ASXL2: variants seen among roughly 807,000 people sequenced by gnomAD.
ASXL2 encodes ASXL transcriptional regulator 2.
Under a neutral mutation model 122.0 loss-of-function variants are expected in ASXL2, and 23 were observed. The ratio of observed to expected loss-of-function variants is 0.19; its 90% CI spans 0.14 to 0.27. The LOEUF is 0.27. Ranked by LOEUF, ASXL2 falls within the 10% of genes least tolerant of loss-of-function variation. The pLI, the probability that ASXL2 is intolerant of heterozygous loss-of-function variation, is 1.00. For synonymous variants in ASXL2, 650 were observed against 637.0 expected, an observed-to-expected ratio of 1.02 and a Z score of -0.31; for missense variants, 1,518 against 1,713.8, an observed-to-expected ratio of 0.89 and a Z score of 2.02.
chr2:25,787,197 C>A (rs1308644657), intron 5 of ASXL2, among the ~76,000 whole-genome samples: 1 of 152,204 alleles, frequency 6.6e-6, no homozygotes, highest in Admixed American at 6.5e-5. Flanking sequence ...AGTCCCAGAA[C>A]ACTCTTTACC....
At chr2:25,842,316 T>G (rs140780879) in intron 2 of ASXL2, among the ~76,000 whole-genome samples, 7 of 152,300 alleles carry the variant, frequency 4.6e-5, no homozygotes, top group African/African-American at 7.2e-5. Flanking sequence ...TGCTTTGTTG[T>G]GCTGTAACTG....
Position 25,765,725 on chromosome 2 carries a change from T to C in ASXL2, c.775+1858A>G, listed in dbSNP as rs910985765. On this transcript the variant is annotated intron_variant, in intron 8 of 12. Transcript: ENST00000435504. ...TCAATTTTGTACCTCTACATTTCTT[T>C]TGCAATTTACTAAAATTTTCAATTT... Among the ~76,000 whole-genome samples, 31 of 152,346 alleles carry C rather than the reference T, an allele frequency of 2.0e-4. 1 individual carries two copies. Among genetic ancestry groups the C allele is most frequent in the East Asian group, 9.6e-4 (5 of 5,186 alleles).
chr2:25,769,848 G>A (rs1274952098), intron 6 of ASXL2, among the ~76,000 whole-genome samples: 1 of 152,082 alleles, frequency 6.6e-6, no homozygotes, highest in Non-Finnish European at 1.5e-5. Flanking sequence ...CATTTCACAC[G>A]TATCTCTGGC....
chr2:25,826,129 A>G (rs1398482924), intron 3 of ASXL2, among the ~76,000 whole-genome samples: 2 of 152,254 alleles, frequency 1.3e-5, no homozygotes, highest in Non-Finnish European at 2.9e-5. Flanking sequence ...AAGTCTATTT[A>G]TAAGTCTACC....
intron 1 of ASXL2, among the ~76,000 whole-genome samples, chr2:25,845,920 C>T (rs772448967): frequency 6.6e-6 from 1 of 152,196 alleles, no homozygotes; most frequent in Non-Finnish European, 1.5e-5. Context: ...CATTCTGTCT[C>T]TCCCACTGAA....
chr2:25,828,409 G>C (rs545567414), intron 3 of ASXL2, among the ~76,000 whole-genome samples: 1 of 151,046 alleles, frequency 6.6e-6, no homozygotes, highest in East Asian at 2.0e-4. Flanking sequence ...GGGAGGCTGA[G>C]GCAAGAGACT....
intron 10 of ASXL2, among the ~76,000 whole-genome samples, chr2:25,754,891 C>T (rs1278502752): frequency 1.3e-5 from 2 of 151,306 alleles, no homozygotes; most frequent in African/African-American, 4.9e-5. Flanking sequence ...ACAAAGTAAT[C>T]AGAGCAAGAG....
chr2:25,785,246 GAC>G (rs2088718860), intron 5 of ASXL2, among the ~76,000 whole-genome samples: 1 of 152,138 alleles, frequency 6.6e-6, no homozygotes, highest in South Asian at 2.1e-4. Context: ...TATTTTTTGA[GAC>G]AGAGTCTCGC....
intron 1 of ASXL2, among the ~76,000 whole-genome samples, chr2:25,859,879 A>G (rs1430949726): frequency 6.6e-6 from 1 of 152,240 alleles, no homozygotes; most frequent in African/African-American, 2.4e-5. Context: ...CAAATAAGAA[A>G]TCTCAAAATA....
In ASXL2 at chr2:25,850,245, A is replaced by T. The variant is rs183278928; in HGVS notation, c.58-4682T>A. Among the ~76,000 whole-genome samples, 364 of 152,272 alleles carry T rather than the reference A, an allele frequency of 2.4e-3. 2 individuals are homozygous for T. Among genetic ancestry groups the T allele is most frequent in the African/African-American group, 8.4e-3 (347 of 41,546 alleles). ...TCCTTAATATCAAATTATTTAGTCAATGTCCCAAATTTACAGGGAAAAACC... is the reference window on the plus strand; with the variant it reads ...TCCTTAATATCAAATTATTTAGTCATTGTCCCAAATTTACAGGGAAAAACC... On this transcript the variant is annotated intron_variant, in intron 1 of 12. Coordinates refer to ENST00000435504, the MANE Select transcript of ASXL2 (RefSeq NM_018263.6).
intron 5 of ASXL2, among the ~76,000 whole-genome samples, chr2:25,793,710 T>C (rs1559513058): frequency 6.6e-6 from 1 of 152,236 alleles, no homozygotes; most frequent in Non-Finnish European, 1.5e-5. Flanking sequence ...AGAGTTTTTA[T>C]TCTAACAGGT....
rs759907363 is a variant in ASXL2 at position 25,742,950 on chromosome 2, A to T, written c.3387T>A (p.Ser1129=). ...AGCTCTCTGAGCCCCGGCCGTAGGT[A>T]GAAATATTCAGTAAGTAGTGCCCTG... ...AMAGHYLLNI[S]TYGRGSESFR... is the part of the protein sequence containing the mutation. Residue 1129 remains serine (S), a synonymous_variant, in exon 13 of 13, where the codon TCT becomes TCA. Coordinates refer to ENST00000435504, the MANE Select transcript of ASXL2 (RefSeq NM_018263.6). 1 of 1,614,024 alleles carries T rather than the reference A, an allele frequency of 6.2e-7. No homozygotes were observed. Among genetic ancestry groups the T allele is most frequent in the East Asian group, 2.2e-5 (1 of 44,886 alleles).
chr2:25,828,654 T>C (rs1364308272), intron 3 of ASXL2, among the ~76,000 whole-genome samples: 1 of 150,898 alleles, frequency 6.6e-6, no homozygotes, highest in African/African-American at 2.4e-5. Flanking sequence ...TGAAACCCCA[T>C]CTCTACTAAA....
intron 9 of ASXL2, 34 bp from the exon 10 acceptor site, chr2:25,756,148 A>C (rs1474499435): frequency 7.3e-7 from 1 of 1,367,656 alleles, no homozygotes; most frequent in Non-Finnish European, 1.0e-6. Flanking sequence ...AAAGCTTACA[A>C]AGAAAGTGAA....
At chr2:25,869,769 T>C (rs891051250) in intron 1 of ASXL2, among the ~76,000 whole-genome samples, 1 of 150,998 alleles carries the variant, frequency 6.6e-6, no homozygotes, top group Non-Finnish European at 1.5e-5. Flanking sequence ...TGAGCCAAGA[T>C]TACGCCACTG....
intron 2 of ASXL2, among the ~76,000 whole-genome samples, chr2:25,837,972 A>AC (rs1471170102): frequency 6.8e-6 from 1 of 147,518 alleles, no homozygotes; most frequent in South Asian, 2.1e-4. Context: ...AAAAAAAAAA[A>AC]CACAAAAAAT....
At chr2:25,773,722 A>T (rs13418518) in intron 5 of ASXL2, among the ~76,000 whole-genome samples, 10,153 of 151,474 alleles carry the variant, frequency 0.067, 618 homozygotes, top group African/African-American at 0.16. Context: ...ACCAATTTTT[A>T]AAAAATAGCT....
chr2:25,856,654 G>T, intron 1 of ASXL2: 1 of 1,259,308 alleles, frequency 7.9e-7, no homozygotes, highest in Non-Finnish European at 1.2e-6. Flanking sequence ...TCCCCAGAGT[G>T]GTGGCTCACC....
intron 3 of ASXL2, among the ~76,000 whole-genome samples, chr2:25,808,195 C>T (rs2089113386): frequency 6.6e-6 from 1 of 152,172 alleles, no homozygotes; most frequent in Non-Finnish European, 1.5e-5. Flanking sequence ...AAAACATTCA[C>T]AGTCATTGTG....
Sources: allele counts gnomAD v4.1 joint callset (sites outside exome capture counted in the v4.1 genomes callset), GRCh38; gene constraint gnomAD v4.1.1; transcripts MANE v1.5; gene names NCBI Gene and HGNC (gene_info 2026-07-23, HGNC 2026-07-21).